Variants in SCRG1 observed in about 807,000 individuals in gnomAD.
SCRG1 encodes the protein scrapie-responsive protein 1.
In SCRG1, 3 loss-of-function variants were observed where a neutral mutation model predicts 7.7. The observed-to-expected ratio is 0.39, with a 90% CI of 0.18 to 1.01. The LOEUF is 1.01. Ranked by LOEUF, SCRG1 falls within the 50% of genes least tolerant of loss-of-function variation. SCRG1 has a pLI of 0.36. For synonymous variants in SCRG1, 46 were observed against 41.2 expected (o/e 1.12, Z -0.44); for missense variants, 110 against 117.2 (o/e 0.94, Z 0.28).
chr4:173,424,818 A>G, the SCRG1 span, among the ~76,000 whole-genome samples: 1 of 152,012 alleles, frequency 6.6e-6, no homozygotes, highest in Admixed American at 6.6e-5. Context: ...CTGAGACAGG[A>G]TAATTACTTG....
chr4:173,450,025 A>G, the SCRG1 span, among the ~76,000 whole-genome samples: 1 of 152,358 alleles, frequency 6.6e-6, no homozygotes, highest in Admixed American at 6.5e-5. Context: ...GTATAAAGAC[A>G]TACCTAAAAC....
At chr4:173,484,922 T>C in the SCRG1 span, among the ~76,000 whole-genome samples, 1 of 1,702 alleles carries the variant, frequency 5.9e-4, no homozygotes, top group Non-Finnish European at 4.3e-3. Flanking sequence ...ATATTTTAGA[T>C]ATTATATATT....
the SCRG1 span, among the ~76,000 whole-genome samples, chr4:173,484,342 T>TCATATAA: frequency 6.9e-4 from 45 of 65,654 alleles, 2 homozygotes; most frequent in East Asian, 0.011. Context: ...ATTTAACATA[T>TCATATAA]TATATAATAT....
At chr4:173,422,989 T>C in the SCRG1 span, among the ~76,000 whole-genome samples, 1 of 152,274 alleles carries the variant, frequency 6.6e-6, no homozygotes, top group Middle Eastern at 3.4e-3. Context: ...AGGATTATGT[T>C]TTCTCTTTGG....
the SCRG1 span, chr4:173,420,009 T>C: frequency 1.5e-6 from 1 of 675,834 alleles, no homozygotes; most frequent in African/African-American, 1.8e-5. Context: ...GTGTGTTGTA[T>C]TTATTTTTAT....
the SCRG1 span, among the ~76,000 whole-genome samples, chr4:173,452,171 G>A: frequency 2.0e-5 from 3 of 151,808 alleles, no homozygotes; most frequent in South Asian, 4.2e-4. Flanking sequence ...AGGAGGCAGC[G>A]GTTGCAGTGA....
the SCRG1 span, among the ~76,000 whole-genome samples, chr4:173,424,221 A>C: frequency 6.6e-6 from 1 of 152,366 alleles, no homozygotes; most frequent in South Asian, 2.1e-4. Flanking sequence ...ACATAAGGAC[A>C]ACATAAATGG....
the SCRG1 span, among the ~76,000 whole-genome samples, chr4:173,507,196 T>C: frequency 1.3e-5 from 2 of 149,282 alleles, no homozygotes; most frequent in Non-Finnish European, 2.9e-5. The surrounding 1 kb of genome is among the most constrained non-coding windows in gnomAD (Gnocchi z 4.4). Flanking sequence ...GCCCTGTTTT[T>C]CTGTTTGTTT....
At chr4:173,510,623 G>A in the SCRG1 span, among the ~76,000 whole-genome samples, 2 of 152,076 alleles carry the variant, frequency 1.3e-5, no homozygotes, top group African/African-American at 4.8e-5. This position sits in a 1 kb window ranked among gnomAD's most constrained non-coding sequence, Gnocchi z 5.7. Context: ...TCTCCAACGT[G>A]GAGATCTAGC....
chr4:173,477,575 G>A, the SCRG1 span, among the ~76,000 whole-genome samples: 7 of 152,124 alleles, frequency 4.6e-5, no homozygotes, highest in Non-Finnish European at 1.5e-5. Context: ...TCTGGGAGTG[G>A]AGGAAGGAAA....
chr4:173,436,092 AT>A, the SCRG1 span, among the ~76,000 whole-genome samples: 1 of 129,626 alleles, frequency 7.7e-6, no homozygotes, highest in Admixed American at 8.0e-5. Flanking sequence ...AATTAAAAGG[AT>A]GAAAAAAACT....
intron 2 of SCRG1, chr4:173,389,654 A>T (rs889067831): frequency 1.1e-5 from 2 of 180,776 alleles, no homozygotes; most frequent in African/African-American, 4.7e-5. Context: ...ATGCAATTTT[A>T]AAAACTCAGG....
intron 1 of SCRG1, among the ~76,000 whole-genome samples, chr4:173,395,960 G>C (rs1405891636): frequency 1.3e-5 from 2 of 152,228 alleles, no homozygotes; most frequent in Non-Finnish European, 2.9e-5. Context: ...GATTTTGACA[G>C]AACAGTAGCA....
the SCRG1 span, among the ~76,000 whole-genome samples, chr4:173,505,911 C>T: frequency 3.5e-4 from 53 of 152,188 alleles, no homozygotes; most frequent in Non-Finnish European, 1.2e-4. The surrounding 1 kb of genome is among the most constrained non-coding windows in gnomAD (Gnocchi z 4.4). Context: ...CTTCTGCTCA[C>T]GAAATAAACC....
At chr4:173,409,764 T>A (rs930806199), upstream of SCRG1, among the ~76,000 whole-genome samples, 2 of 151,984 alleles carry the variant, frequency 1.3e-5, no homozygotes, top group East Asian at 3.9e-4. Context: ...AATTTTTGTA[T>A]TTTTAGTAGA....
chr4:173,517,888 T>C, the SCRG1 span, among the ~76,000 whole-genome samples: 2 of 152,218 alleles, frequency 1.3e-5, no homozygotes, highest in Middle Eastern at 3.2e-3. Flanking sequence ...AGCTCCCTCC[T>C]GGGCAGGGCC....
chr4:173,390,129 C>T (rs944648678), intron 2 of SCRG1, among the ~76,000 whole-genome samples: 1 of 151,302 alleles, frequency 6.6e-6, no homozygotes, highest in Non-Finnish European at 1.5e-5. Flanking sequence ...CTGCAACCTC[C>T]TCCTCCTGGG....
chr4:173,433,452 C>A, the SCRG1 span, among the ~76,000 whole-genome samples: 1 of 152,164 alleles, frequency 6.6e-6, no homozygotes, highest in African/African-American at 2.4e-5. Flanking sequence ...TCTTCTGACC[C>A]AAGAGATTGT....
At chr4:173,481,891 T>C in the SCRG1 span, among the ~76,000 whole-genome samples, 1 of 152,068 alleles carries the variant, frequency 6.6e-6, no homozygotes, top group African/African-American at 2.4e-5. Context: ...GTTTGGGGAG[T>C]CGAAAGTTAC....
Sources: allele counts gnomAD v4.1 joint callset (sites outside exome capture counted in the v4.1 genomes callset), GRCh38; gene constraint gnomAD v4.1.1; non-coding constraint Gnocchi (gnomAD v3.1); transcripts MANE v1.5; gene names NCBI Gene and HGNC (gene_info 2026-07-23, HGNC 2026-07-21).